GPC5: variants seen among roughly 807,000 people sequenced by gnomAD.
GPC5 encodes glypican-5.
A neutral mutation model predicts 53.9 loss-of-function variants in GPC5; 47 were observed. That is an observed-to-expected ratio of 0.87 (90% CI 0.69 to 1.11). The LOEUF (loss-of-function observed/expected upper bound fraction) is 1.11, where lower values mean the gene tolerates loss of function less well. Among genes scored for constraint, GPC5 ranks in the 50% most tolerant of loss-of-function variants. The probability of loss-of-function intolerance (pLI) is 0.00; values close to 1 mark genes in which losing one functional copy is unlikely to be tolerated. For synonymous variants in GPC5, 286 were observed against 263.3 expected (o/e 1.09, Z -0.84); for missense variants, 748 against 713.1 (o/e 1.05, Z -0.56).
intron 5 of GPC5, among the ~76,000 whole-genome samples, chr13:91,818,937 A>G (rs72647272): frequency 0.042 from 6,389 of 152,174 alleles, 210 homozygotes; most frequent in Middle Eastern, 0.075. Context: ...GTGGTTAAAT[A>G]TGACACACAG....
chr13:91,856,599 CT>C lies in GPC5; in HGVS notation c.1281-51328del, dbSNP rs1023113300. Among the ~76,000 whole-genome samples the C allele has an allele frequency of 5.2e-3, 769 of 147,566 alleles. 7 individuals are homozygous for C. The highest frequency in any genetic ancestry group is 0.017 in the African/African-American group (706 of 40,612). ...ATGTGCATCTTGGCCATTCGTATAT[CT>C]TTTTTTTTTGAAGTATCTGTCCAAG... On this transcript the variant is annotated intron_variant, in intron 5 of 7. Coordinates refer to ENST00000377067, the MANE Select transcript of GPC5 (RefSeq NM_004466.6).
chr13:91,418,907 A>G (rs1878416642), intron 1 of GPC5, among the ~76,000 whole-genome samples: 1 of 151,990 alleles, frequency 6.6e-6, no homozygotes, highest in African/African-American at 2.4e-5. Flanking sequence ...GGAACCTGTT[A>G]AGATATTTCT....
Position 92,742,044 on chromosome 13 carries a change from T to C in GPC5, c.1562-124238T>C, listed in dbSNP as rs371657930. Among the ~76,000 whole-genome samples, 63 of 149,156 alleles carry C rather than the reference T, an allele frequency of 4.2e-4. 2 individuals carry two copies. The East Asian group carries it at 0.01, about 24-fold the overall frequency. On this transcript the variant is annotated intron_variant, in intron 7 of 7. Coordinates refer to ENST00000377067, the MANE Select transcript of GPC5 (RefSeq NM_004466.6). ...ATTGTGAATACTGCCACAATAAACATACGTGTGCATGTGTCTTTATAGCAG... is the reference window on the plus strand; with the variant it reads ...ATTGTGAATACTGCCACAATAAACACACGTGTGCATGTGTCTTTATAGCAG...
rs560603113 is a variant in GPC5 at position 92,475,836 on chromosome 13, C to T, written c.1561+330847C>T. The stretch of plus-strand genomic sequence containing the variant: ...AAATGGTGCTGGGAAAACTGGCTAG[C>T]CATATGTAGAAAGCTGAAACTGGAT... On this transcript the variant is annotated intron_variant, in intron 7 of 7. Coordinates refer to ENST00000377067, the MANE Select transcript of GPC5 (RefSeq NM_004466.6). Among the ~76,000 whole-genome samples the T allele has an allele frequency of 4.0e-5, 6 of 151,766 alleles. No homozygotes were observed. The East Asian group carries it at 1.2e-3, about 29-fold the overall frequency.
At chr13:92,103,630 T>C (rs925243589) in intron 6 of GPC5, among the ~76,000 whole-genome samples, 33 of 152,262 alleles carry the variant, frequency 2.2e-4, no homozygotes, top group Admixed American at 1.6e-3. Flanking sequence ...AAAATTACTG[T>C]GAAACCTCTT....
At chr13:91,843,956 TAAAG>T (rs1361631080) in intron 5 of GPC5, among the ~76,000 whole-genome samples, 1 of 152,016 alleles carries the variant, frequency 6.6e-6, no homozygotes, top group Non-Finnish European at 1.5e-5. Context: ...CTTTAATAGA[TAAAG>T]AACACAGGAT....
intron 2 of GPC5, among the ~76,000 whole-genome samples, chr13:91,654,388 G>A (rs564006105): frequency 2.6e-5 from 4 of 151,982 alleles, no homozygotes; most frequent in African/African-American, 4.8e-5. Flanking sequence ...TAATGGATTC[G>A]GTAAGTAAAT....
intron 2 of GPC5, among the ~76,000 whole-genome samples, chr13:91,595,267 G>T (rs994052892): frequency 6.6e-6 from 1 of 151,962 alleles, no homozygotes; most frequent in Non-Finnish European, 1.5e-5. Context: ...ACCTGCCTCG[G>T]CCTTCCAAAG....
At chr13:92,141,444 C>T (rs531918408) in intron 6 of GPC5, among the ~76,000 whole-genome samples, 2 of 152,156 alleles carry the variant, frequency 1.3e-5, no homozygotes, top group East Asian at 1.9e-4. Flanking sequence ...AAAGGTTTTT[C>T]TGAGAGCTTG....
chr13:91,456,747 T>A (rs984038088), intron 2 of GPC5, among the ~76,000 whole-genome samples: 2 of 151,966 alleles, frequency 1.3e-5, no homozygotes, highest in Admixed American at 6.6e-5. Flanking sequence ...TATATAAAAC[T>A]TGCATGCTGT....
chr13:91,949,590 T>C (rs1314167891), intron 6 of GPC5, among the ~76,000 whole-genome samples: 3 of 152,118 alleles, frequency 2.0e-5, no homozygotes, highest in Non-Finnish European at 4.4e-5. Flanking sequence ...ATAAAATTAA[T>C]AACACTCCCA....
At chr13:92,481,599 A>AT (rs1185898521) in intron 7 of GPC5, among the ~76,000 whole-genome samples, 3 of 152,216 alleles carry the variant, frequency 2.0e-5, no homozygotes, top group Admixed American at 1.3e-4. Flanking sequence ...ATTAGGCTGC[A>AT]TGACCACTGT....
At position 92,676,048 on chromosome 13, in the gene GPC5, A is replaced by T. The variant is rs576337852; in HGVS notation, c.1562-190234A>T. Among the ~76,000 whole-genome samples the T allele has an allele frequency of 1.2e-3, 182 of 152,270 alleles. 4 individuals are homozygous for T. The highest frequency in any genetic ancestry group is 4.3e-3 in the African/African-American group (180 of 41,562). ...CAATGGTTTATATTTTGGAATCCTA[A>T]CCAGATATTTTTTGCCATGAATTTC... On this transcript the variant is annotated intron_variant, in intron 7 of 7. Coordinates refer to ENST00000377067, the MANE Select transcript of GPC5 (RefSeq NM_004466.6).
At chr13:92,027,128 G>A (rs977800225) in intron 6 of GPC5, among the ~76,000 whole-genome samples, 3 of 152,254 alleles carry the variant, frequency 2.0e-5, no homozygotes, top group Non-Finnish European at 4.4e-5. Flanking sequence ...AAATAATTGA[G>A]TCATATCTGG....
chr13:92,127,794 AATG>A (rs1393311332), intron 6 of GPC5, among the ~76,000 whole-genome samples: 2 of 152,244 alleles, frequency 1.3e-5, no homozygotes, highest in African/African-American at 2.4e-5. Flanking sequence ...AAGATTTTAT[AATG>A]ATAATGAATT....
chr13:92,560,466 G>A (rs1882657403), intron 7 of GPC5, among the ~76,000 whole-genome samples: 1 of 151,932 alleles, frequency 6.6e-6, no homozygotes, highest in Admixed American at 6.6e-5. Flanking sequence ...TCTCTGAATG[G>A]GCTGCAGCAG....
At chr13:92,381,717 A>G (rs1224421690) in intron 7 of GPC5, among the ~76,000 whole-genome samples, 2 of 151,716 alleles carry the variant, frequency 1.3e-5, no homozygotes, top group Non-Finnish European at 1.5e-5. Context: ...TTATAGCAGC[A>G]CAATTCACAA....
intron 2 of GPC5, among the ~76,000 whole-genome samples, chr13:91,528,505 C>T (rs551980769): frequency 4.6e-5 from 7 of 152,186 alleles, no homozygotes; most frequent in African/African-American, 9.7e-5. Context: ...TTGGTCAAAA[C>T]GATTCAACAA....
intron 2 of GPC5, among the ~76,000 whole-genome samples, chr13:91,622,182 T>C (rs1490560515): frequency 1.3e-5 from 2 of 152,098 alleles, no homozygotes; most frequent in African/African-American, 2.4e-5. Context: ...CTGACTCAAG[T>C]GTTAATCTCC....
Sources: gnomAD v4.1 joint callset for allele counts (sites outside exome capture counted in the v4.1 genomes callset) on GRCh38, gnomAD v4.1.1 for gene constraint, MANE v1.5 for transcripts, NCBI Gene and HGNC (gene_info 2026-07-23, HGNC 2026-07-21) for gene names.